Variants in PDE3A observed in about 807,000 individuals in gnomAD.
PDE3A encodes the protein phosphodiesterase 3A.
In PDE3A, 43 loss-of-function variants were observed where a neutral mutation model predicts 98.3. The observed-to-expected ratio is 0.44, with a 90% CI of 0.34 to 0.56. The LOEUF (loss-of-function observed/expected upper bound fraction) is 0.56, where lower values mean the gene tolerates loss of function less well. Ranked by LOEUF, PDE3A falls within the 20% of genes least tolerant of loss-of-function variation. The pLI, the probability that PDE3A is intolerant of heterozygous loss-of-function variation, is 0.01. For missense variants in PDE3A, 1,427 were observed against 1,440.7 expected (o/e 0.99, Z 0.15); for synonymous variants, 663 against 567.9 (o/e 1.17, Z -2.38).
At chr12:20,521,929 A>G (rs938697755) in intron 1 of PDE3A, among the ~76,000 whole-genome samples, 2 of 152,162 alleles carry the variant, frequency 1.3e-5, no homozygotes, top group African/African-American at 4.8e-5. Flanking sequence ...CATGCAGTTT[A>G]TGTAGCATTT....
intron 1 of PDE3A, among the ~76,000 whole-genome samples, chr12:20,421,868 A>G (rs971187309): frequency 2.0e-5 from 3 of 152,188 alleles, no homozygotes; most frequent in Admixed American, 1.3e-4. Context: ...TGGAAAATTC[A>G]AGCTCTGAGA....
chr12:20,377,688 A>C (rs1023807814), intron 1 of PDE3A, among the ~76,000 whole-genome samples: 4 of 151,762 alleles, frequency 2.6e-5, no homozygotes, highest in Non-Finnish European at 5.9e-5. Context: ...TGCCAAGTCT[A>C]TTTGCCCTTT....
In PDE3A at chr12:20,685,400, A is replaced by AT. The variant is rs1945930878; in HGVS notation, c.*5133dup. ...CTCCAGCCTGGGCAACAGGAGTTAA[A>AT]TTTTGCCTCAAAAAAAAAAAAAAAA... On this transcript the variant is annotated 3_prime_UTR_variant, in exon 16 of 16. Coordinates refer to ENST00000359062, the MANE Select transcript of PDE3A (RefSeq NM_000921.5). 1.1e-5 allele frequency among the ~76,000 whole-genome samples: 1 copy of AT among 89,810 alleles called. No homozygotes were observed. Among genetic ancestry groups the AT allele is most frequent in the African/African-American group, 4.7e-5 (1 of 21,202 alleles). The allele number at this position is 89,810 out of a possible 152,430, so 58.9% of individuals were successfully genotyped here. A position where few individuals can be genotyped will look rare whatever the true frequency, so the allele number is the denominator to read the frequency against.
intron 1 of PDE3A, among the ~76,000 whole-genome samples, chr12:20,463,125 A>G (rs1195555592): frequency 6.6e-6 from 1 of 152,172 alleles, no homozygotes; most frequent in Non-Finnish European, 1.5e-5. Context: ...ATAGGACATC[A>G]TCTGTGTCAA....
chr12:20,501,901 ATCC>A (rs1946032634), intron 1 of PDE3A, among the ~76,000 whole-genome samples: 1 of 152,166 alleles, frequency 6.6e-6, no homozygotes, highest in South Asian at 2.1e-4. Context: ...CATGCAGTGC[ATCC>A]TGATATGATA....
intron 1 of PDE3A, among the ~76,000 whole-genome samples, chr12:20,375,594 A>C (rs1565529140): frequency 6.6e-6 from 1 of 152,088 alleles, no homozygotes; most frequent in East Asian, 1.9e-4. Context: ...CCCATAGCTA[A>C]TGTTACCCAT....
chr12:20,545,785 A>AC (rs1225926609), intron 1 of PDE3A, among the ~76,000 whole-genome samples: 4 of 140,826 alleles, frequency 2.8e-5, no homozygotes, highest in Admixed American at 2.2e-4. Flanking sequence ...GCCAAAAAAA[A>AC]AAAAACAAAA....
chr12:20,529,464 G>A (rs532002799), intron 1 of PDE3A, among the ~76,000 whole-genome samples: 118 of 152,210 alleles, frequency 7.8e-4, no homozygotes, highest in Middle Eastern at 3.4e-3. Context: ...TTTGGAAATA[G>A]GGTCTTTGCA....
intron 2 of PDE3A, among the ~76,000 whole-genome samples, chr12:20,563,279 A>C (rs1942576109): frequency 6.6e-6 from 1 of 152,184 alleles, no homozygotes; most frequent in Non-Finnish European, 1.5e-5. Context: ...TTTTGATAAG[A>C]GAATGTGGAG....
At chr12:20,602,569 T>C (rs957210383) in intron 2 of PDE3A, among the ~76,000 whole-genome samples, 4 of 152,176 alleles carry the variant, frequency 2.6e-5, no homozygotes, top group African/African-American at 9.7e-5. Context: ...AAGAGAAGGA[T>C]GTTAAGAATT....
intron 10 of PDE3A, 100 bp downstream of exon 10, chr12:20,640,057 C>T (rs2121513763): frequency 1.6e-6 from 1 of 619,286 alleles, no homozygotes; most frequent in South Asian, 1.8e-5. Context: ...CAGAATTACA[C>T]ATGGTAGACG....
intron 15 of PDE3A, among the ~76,000 whole-genome samples, chr12:20,665,688 A>G (rs1015764349): frequency 1.3e-5 from 2 of 152,120 alleles, no homozygotes; most frequent in Non-Finnish European, 2.9e-5. Flanking sequence ...TATAAGCAAT[A>G]TATTAGTTCT....
chr12:20,687,503 GT>G lies in PDE3A; in HGVS notation c.*7239del, dbSNP rs74406912. ...AGCTTATTATGTTTGCTTAACTGGT[GT>G]TTTTTTCACTTATGACTGTCAGTTT... On this transcript the variant is annotated 3_prime_UTR_variant, in exon 16 of 16. Coordinates refer to ENST00000359062, the MANE Select transcript of PDE3A (RefSeq NM_000921.5). 0.56 allele frequency among the ~76,000 whole-genome samples: 84,807 copies of G among 151,462 alleles called. 24,492 individuals carry two copies. The highest frequency in any genetic ancestry group is 0.75 in the East Asian group (3,830 of 5,118).
At chr12:20,589,569 T>G (rs1592086689) in intron 2 of PDE3A, among the ~76,000 whole-genome samples, 1 of 152,022 alleles carries the variant, frequency 6.6e-6, no homozygotes, top group South Asian at 2.1e-4. Context: ...CCAGGGAGAC[T>G]TAAAAATTAG....
chr12:20,459,738 T>G (rs1203785510), intron 1 of PDE3A, among the ~76,000 whole-genome samples: 1 of 152,192 alleles, frequency 6.6e-6, no homozygotes, highest in Non-Finnish European at 1.5e-5. Context: ...ACTTTTGAGT[T>G]ATAACGGTTT....
chr12:20,542,309 C>G (rs957200282), intron 1 of PDE3A, among the ~76,000 whole-genome samples: 7 of 151,868 alleles, frequency 4.6e-5, no homozygotes, highest in Non-Finnish European at 7.4e-5. Flanking sequence ...TGTTTTAAGT[C>G]ACACCAATTA....
intron 6 of PDE3A, 27 bp from the exon 7 acceptor site, chr12:20,633,666 A>C: frequency 7.0e-7 from 1 of 1,420,416 alleles, no homozygotes; most frequent in Non-Finnish European, 9.8e-7. Context: ...AGGAGGCTAC[A>C]CCTATAGCTC....
chr12:20,503,166 A>G (rs1332254598), intron 1 of PDE3A, among the ~76,000 whole-genome samples: 1 of 151,918 alleles, frequency 6.6e-6, no homozygotes, highest in African/African-American at 2.4e-5. Flanking sequence ...TTTTTTCCCA[A>G]ACTTAATGTA....
chr12:20,688,484 C>T lies in PDE3A; in HGVS notation c.*8213C>T, dbSNP rs1946043257. ...TTATATATATAATATATAAATATTACAGTAAATATATACTCAAAATTATTA... is the reference window on the plus strand; with the variant it reads ...TTATATATATAATATATAAATATTATAGTAAATATATACTCAAAATTATTA... On this transcript the variant is annotated 3_prime_UTR_variant, in exon 16 of 16. Transcript: ENST00000359062. Among the ~76,000 whole-genome samples the T allele has an allele frequency of 6.6e-6, 1 of 151,280 alleles. No individual in the cohort carries two copies. Among genetic ancestry groups the T allele is most frequent in the Non-Finnish European group, 1.5e-5 (1 of 67,856 alleles).
Sources: gnomAD v4.1 joint callset for allele counts (sites outside exome capture counted in the v4.1 genomes callset) on GRCh38, gnomAD v4.1.1 for gene constraint, MANE v1.5 for transcripts, NCBI Gene and HGNC (gene_info 2026-07-23, HGNC 2026-07-21) for gene names.